Variants in PCDH15 observed in about 807,000 individuals in gnomAD.
PCDH15 encodes protocadherin related 15, also known as protocadherin-15.
PCDH15 carries 129 observed loss-of-function variants against 178.5 expected under a neutral mutation model. That is an observed-to-expected ratio of 0.72 (90% CI 0.63 to 0.84). The LOEUF (loss-of-function observed/expected upper bound fraction) is 0.84, where lower values mean the gene tolerates loss of function less well. PCDH15 is among the 40% of genes least tolerant of loss of function. The pLI is 0.00. For synonymous variants in PCDH15, 800 were observed against 732.0 expected (o/e 1.09, Z -1.50); for missense variants, 2,230 against 2,099.9 (o/e 1.06, Z -1.21).
At chr10:54,464,115 C>T (rs987897190) in intron 3 of PCDH15, among the ~76,000 whole-genome samples, 1 of 152,108 alleles carries the variant, frequency 6.6e-6, no homozygotes, top group Non-Finnish European at 1.5e-5. Flanking sequence ...CTCTGTTGCA[C>T]TGGAATCAGT....
rs1841870104 is a variant in PCDH15, at chr10:55,545,876, C to T, written c.-156+81749G>A. On this transcript the variant is annotated intron_variant, in intron 2 of 5. Coordinates refer to the PCDH15 transcript ENST00000613346. ...CTCACCTTCTTATTGTAACCTATCA[C>T]TTCCTATCCAACATTTAATACTTTA... Among the ~76,000 whole-genome samples the T allele has an allele frequency of 2.6e-5, 4 of 152,038 alleles. No homozygotes were observed. The South Asian group carries it at 6.2e-4, about 24-fold the overall frequency.
chr10:54,407,852 T>C (rs922600645), intron 3 of PCDH15, among the ~76,000 whole-genome samples: 2 of 152,164 alleles, frequency 1.3e-5, no homozygotes. Flanking sequence ...GGTCAGGAGT[T>C]CCAGACCAGC....
chr10:55,322,425 G>A (rs926803673), upstream of PCDH15, among the ~76,000 whole-genome samples: 1 of 152,172 alleles, frequency 6.6e-6, no homozygotes, highest in African/African-American at 2.4e-5. Context: ...AAATGTGGAA[G>A]CACATTTGGA....
At chr10:54,066,391 T>G (rs1449310669) in intron 18 of PCDH15, among the ~76,000 whole-genome samples, 1 of 152,180 alleles carries the variant, frequency 6.6e-6, no homozygotes, top group Non-Finnish European at 1.5e-5. Flanking sequence ...ATTTACCTAA[T>G]GTAATGAATT....
chr10:54,025,561 C>T (rs945827777), intron 18 of PCDH15, among the ~76,000 whole-genome samples: 5 of 149,716 alleles, frequency 3.3e-5, no homozygotes, highest in Admixed American at 6.7e-5. Context: ...TGCAGTGGTG[C>T]GATCTCGGCT....
chr10:54,761,194 C>A (rs1218031448), intron 1 of PCDH15, among the ~76,000 whole-genome samples: 1 of 152,074 alleles, frequency 6.6e-6, no homozygotes. Context: ...TGCCTTTCTG[C>A]CTGAATCTTG....
intron 2 of PCDH15, among the ~76,000 whole-genome samples, chr10:54,618,792 A>G (rs2093265500): frequency 6.6e-6 from 1 of 152,092 alleles, no homozygotes; most frequent in African/African-American, 2.4e-5. Context: ...TAACAAACTA[A>G]TAAATACTTT....
At chr10:55,254,489 C>G (rs1841934759) in intron 1 of PCDH15, among the ~76,000 whole-genome samples, 1 of 152,060 alleles carries the variant, frequency 6.6e-6, no homozygotes, top group Non-Finnish European at 1.5e-5. Context: ...TGCAAGCTGT[C>G]AGTGGAAAGG....
At chr10:55,223,682 C>T (rs1840948141) in intron 1 of PCDH15, among the ~76,000 whole-genome samples, 1 of 152,050 alleles carries the variant, frequency 6.6e-6, no homozygotes, top group South Asian at 2.1e-4. Context: ...AAGTTATCAA[C>T]AACCAGGCCT....
intron 3 of PCDH15, among the ~76,000 whole-genome samples, chr10:54,836,824 A>G (rs996508343): frequency 6.6e-6 from 1 of 152,126 alleles, no homozygotes; most frequent in African/African-American, 2.4e-5. Flanking sequence ...AAATTAAACT[A>G]CTGACAAAGG....
chr10:54,796,307 T>TATCA (rs1288435851), intron 1 of PCDH15, among the ~76,000 whole-genome samples: 1 of 150,612 alleles, frequency 6.6e-6, no homozygotes, highest in Non-Finnish European at 1.5e-5. Flanking sequence ...TCTATCTATC[T>TATCA]ATCTATCTAT....
intron 1 of PCDH15, among the ~76,000 whole-genome samples, chr10:54,754,807 A>C (rs1378451857): frequency 6.6e-6 from 1 of 152,174 alleles, no homozygotes; most frequent in Non-Finnish European, 1.5e-5. Context: ...ATTGATTATA[A>C]ACATGCCAGA....
chr10:54,722,290 C>T (rs1158735718), intron 1 of PCDH15, among the ~76,000 whole-genome samples: 1 of 151,524 alleles, frequency 6.6e-6, no homozygotes, highest in African/African-American at 2.4e-5. Context: ...AAAACAATCT[C>T]CATAAGAACT....
intron 2 of PCDH15, among the ~76,000 whole-genome samples, chr10:54,939,786 T>C (rs1190917783): frequency 6.6e-6 from 1 of 152,110 alleles, no homozygotes; most frequent in Non-Finnish European, 1.5e-5. Flanking sequence ...TCAGAAACAA[T>C]GCCTTTTTGT....
chr10:55,170,754 C>T (rs747625101), intron 1 of PCDH15, among the ~76,000 whole-genome samples: 8 of 152,088 alleles, frequency 5.3e-5, no homozygotes, highest in South Asian at 2.1e-4. Context: ...TGGTGGCATG[C>T]GCCTGTAATC....
At chr10:54,162,561 T>C (rs1169905279) in intron 13 of PCDH15, among the ~76,000 whole-genome samples, 1 of 152,204 alleles carries the variant, frequency 6.6e-6, no homozygotes, top group Non-Finnish European at 1.5e-5. Flanking sequence ...GAACATTTTA[T>C]AGCAAGAGTA....
At chr10:55,193,373 T>C (rs1371077624) in intron 1 of PCDH15, among the ~76,000 whole-genome samples, 1 of 152,018 alleles carries the variant, frequency 6.6e-6, no homozygotes, top group Non-Finnish European at 1.5e-5. Flanking sequence ...GTTTGTTTCA[T>C]TGCCAAAATT....
At chr10:54,798,501 T>G (rs1338551946) in intron 1 of PCDH15, among the ~76,000 whole-genome samples, 2 of 152,122 alleles carry the variant, frequency 1.3e-5, no homozygotes, top group Admixed American at 6.6e-5. Flanking sequence ...TTATTTTGCA[T>G]GTGAAAACCA....
chr10:55,073,395 G>T (rs1173778328), intron 2 of PCDH15, among the ~76,000 whole-genome samples: 2 of 152,080 alleles, frequency 1.3e-5, no homozygotes, highest in Non-Finnish European at 2.9e-5. Context: ...AGCAACTTCA[G>T]CAAAGTCTCA....
Sources: allele counts gnomAD v4.1 joint callset (sites outside exome capture counted in the v4.1 genomes callset), GRCh38; gene constraint gnomAD v4.1.1; transcripts MANE v1.5; gene names NCBI Gene and HGNC (gene_info 2026-07-23, HGNC 2026-07-21).